The following PRKN variants were observed in gnomAD, a reference collection of about 807,000 sequenced individuals.
The protein encoded by PRKN is parkin RBR E3 ubiquitin protein ligase.
PRKN carries 56 observed loss-of-function variants against 59.5 expected under a neutral mutation model. That is an observed-to-expected ratio of 0.94 (90% CI 0.76 to 1.18). The LOEUF (loss-of-function observed/expected upper bound fraction) is 1.18. Ranked by LOEUF, PRKN falls within the 50% of genes most tolerant of loss-of-function variation. The pLI, the probability that PRKN is intolerant of heterozygous loss-of-function variation, is 0.00. For synonymous variants in PRKN, 250 were observed against 222.1 expected (o/e 1.13, Z -1.12); for missense variants, 657 against 596.4 (o/e 1.10, Z -1.06).
At chr6:161,680,675 A>G (rs1283984995) in intron 7 of PRKN, among the ~76,000 whole-genome samples, 1 of 142,960 alleles carries the variant, frequency 7.0e-6, no homozygotes, top group East Asian at 2.1e-4. Context: ...TCTGTTTGCC[A>G]CTGCAGGTGT....
At chr6:161,995,446 C>T (rs566617346) in intron 5 of PRKN, among the ~76,000 whole-genome samples, 1 of 152,064 alleles carries the variant, frequency 6.6e-6, no homozygotes, top group South Asian at 2.1e-4. Context: ...TTCTGTGCAG[C>T]AAAGGAAACA....
Position 161,472,220 on chromosome 6 carries a change from C to T in PRKN, c.1083+76634G>A, listed in dbSNP as rs188747263. Among the ~76,000 whole-genome samples the T allele has an allele frequency of 4.6e-4, 70 of 152,180 alleles. 1 individual carries two copies. The highest frequency in any genetic ancestry group is 6.8e-3 in the Middle Eastern group (2 of 294). ...GATTTTAGCTAGATATAAAGAAAAA[C>T]GTTGTAAAAATCAGAACTGTTTGAA... On this transcript the variant is annotated intron_variant, in intron 9 of 11. Transcript: ENST00000366898.
intron 2 of PRKN, among the ~76,000 whole-genome samples, chr6:162,385,281 C>A (rs987981764): frequency 1.5e-4 from 23 of 152,166 alleles, no homozygotes; most frequent in African/African-American, 4.6e-4. Context: ...CAGTTATCTG[C>A]AACCCCTGTA....
At chr6:161,652,891 C>T (rs1203775139) in intron 7 of PRKN, among the ~76,000 whole-genome samples, 1 of 152,150 alleles carries the variant, frequency 6.6e-6, no homozygotes, top group Non-Finnish European at 1.5e-5. Flanking sequence ...CTTTTAATAC[C>T]AATTCAACAT....
chr6:162,246,871 G>A (rs572884281), intron 3 of PRKN, among the ~76,000 whole-genome samples: 4 of 152,084 alleles, frequency 2.6e-5, no homozygotes, highest in Admixed American at 6.6e-5. Flanking sequence ...AAGTTTTTCT[G>A]TAGTAGGTTC....
At chr6:162,531,446 CAG>C (rs1405590468) in intron 1 of PRKN, among the ~76,000 whole-genome samples, 2 of 152,100 alleles carry the variant, frequency 1.3e-5, no homozygotes, top group African/African-American at 2.4e-5. Context: ...ATTCAGGGAG[CAG>C]AGTGTTTAAG....
chr6:162,374,885 G>A (rs895562624), intron 2 of PRKN, among the ~76,000 whole-genome samples: 15 of 152,230 alleles, frequency 9.9e-5, no homozygotes, highest in South Asian at 2.1e-4. Context: ...AGTTTTAAAC[G>A]TGAGTTAGAT....
intron 11 of PRKN, among the ~76,000 whole-genome samples, chr6:161,358,574 C>T (rs1784854171): frequency 6.6e-6 from 1 of 152,090 alleles, no homozygotes; most frequent in Non-Finnish European, 1.5e-5. Flanking sequence ...GAGATTACGC[C>T]ATTGCACCCC....
chr6:162,653,616 C>T (rs1345863858), intron 1 of PRKN, among the ~76,000 whole-genome samples: 1 of 152,154 alleles, frequency 6.6e-6, no homozygotes, highest in East Asian at 1.9e-4. Context: ...CAATTCCTTA[C>T]ATTCACATTG....
At chr6:162,212,079 G>A (rs563175881) in intron 3 of PRKN, among the ~76,000 whole-genome samples, 1 of 152,238 alleles carries the variant, frequency 6.6e-6, no homozygotes, top group African/African-American at 2.4e-5. Context: ...CTGGTACTGT[G>A]GGACCATGAA....
At chr6:162,551,597 A>C (rs545861909) in intron 1 of PRKN, among the ~76,000 whole-genome samples, 9 of 152,282 alleles carry the variant, frequency 5.9e-5, no homozygotes, top group African/African-American at 1.9e-4. Context: ...AAACATACAC[A>C]ACTCCTAAGT....
intron 7 of PRKN, among the ~76,000 whole-genome samples, chr6:161,777,904 A>ATACG (rs202007278): frequency 2.4e-5 from 3 of 123,660 alleles, no homozygotes; most frequent in Non-Finnish European, 3.5e-5. Context: ...GTATACATAT[A>ATACG]TATGTGTATA....
chr6:162,184,049 C>G (rs769963435), intron 4 of PRKN, among the ~76,000 whole-genome samples: 17 of 151,474 alleles, frequency 1.1e-4, no homozygotes, highest in Non-Finnish European at 1.9e-4. Flanking sequence ...GGCTGATAAT[C>G]TGACTATTTA....
In PRKN at chr6:161,680,775, A is replaced by ATTTT. The variant is rs869253616; in HGVS notation, c.871+104993_871+104996dup. 5.5e-3 allele frequency among the ~76,000 whole-genome samples: 167 copies of ATTTT among 30,574 alleles called. 4 individuals carry two copies. Among genetic ancestry groups the ATTTT allele is most frequent in the Non-Finnish European group, 6.4e-3 (104 of 16,368 alleles). 20.1% of individuals were successfully genotyped at this position (30,574 alleles called of 152,430 possible). On this transcript the variant is annotated intron_variant, in intron 7 of 11. Transcript: ENST00000366898. ...TATATATATATATATATATATATATATTTTTTTTTTTTTTTCTTTTCCTAA... is the reference window on the plus strand; with the variant it reads ...TATATATATATATATATATATATATATTTTTTTTTTTTTTTTTTTCTTTTCCTAA...
At chr6:161,482,014 G>T (rs1462408020) in intron 9 of PRKN, among the ~76,000 whole-genome samples, 2 of 134,970 alleles carry the variant, frequency 1.5e-5, no homozygotes, top group Admixed American at 1.5e-4. Flanking sequence ...TTTGCGGGGG[G>T]TGGGGGAGAC....
At chr6:161,670,879 T>G (rs920030763) in intron 7 of PRKN, among the ~76,000 whole-genome samples, 1 of 152,098 alleles carries the variant, frequency 6.6e-6, no homozygotes, top group Non-Finnish European at 1.5e-5. Flanking sequence ...CCAAATCCAG[T>G]ATGACCTTAT....
chr6:162,214,007 C>T lies in PRKN; in HGVS notation c.413-12755G>A, dbSNP rs567894163. ...TAGGAGGCCAGAAGGCAGCCATGCACCCTAGATCAAAAGGTGTTGGCTCAA... is the reference window on the plus strand; with the variant it reads ...TAGGAGGCCAGAAGGCAGCCATGCATCCTAGATCAAAAGGTGTTGGCTCAA... On this transcript the variant is annotated intron_variant, in intron 3 of 11. Coordinates refer to ENST00000366898, the MANE Select transcript of PRKN (RefSeq NM_004562.3). Among the ~76,000 whole-genome samples the T allele has an allele frequency of 2.0e-5, 3 of 152,076 alleles. No homozygotes were observed. The South Asian group carries it at 6.2e-4, about 32-fold the overall frequency.
chr6:162,435,259 C>T (rs1434559005), intron 2 of PRKN, among the ~76,000 whole-genome samples: 2 of 152,108 alleles, frequency 1.3e-5, no homozygotes, highest in Non-Finnish European at 2.9e-5. Context: ...TGAGTGTAAT[C>T]ACAATGGAAA....
chr6:161,522,031 G>T (rs1778845601), intron 9 of PRKN, among the ~76,000 whole-genome samples: 2 of 152,182 alleles, frequency 1.3e-5, no homozygotes, highest in Non-Finnish European at 2.9e-5. Flanking sequence ...TGGGAGGGGT[G>T]GCAGAACGGA....
Sources: allele counts gnomAD v4.1 joint callset (sites outside exome capture counted in the v4.1 genomes callset), GRCh38; gene constraint gnomAD v4.1.1; transcripts MANE v1.5; gene names NCBI Gene and HGNC (gene_info 2026-07-23, HGNC 2026-07-21).